Variants in ELMO1 observed in about 807,000 individuals in gnomAD.
The protein encoded by ELMO1 is engulfment and cell motility protein 1.
Under a neutral mutation model 98.9 loss-of-function variants are expected in ELMO1, and 26 were observed. The observed-to-expected ratio is 0.26, with a 90% CI of 0.19 to 0.36. The LOEUF is 0.36. ELMO1 is among the 10% of genes least tolerant of loss of function. ELMO1 has a pLI of 1.00. For missense variants in ELMO1, 627 were observed against 935.2 expected (o/e 0.67, Z 4.30); for synonymous variants, 346 against 346.0 (o/e 1.00, Z 0.00).
Position 37,012,831 on chromosome 7 carries a change from C to T in ELMO1, c.1437+468G>A, listed in dbSNP as rs561662429. Among the ~76,000 whole-genome samples the T allele has an allele frequency of 6.2e-4, 94 of 152,250 alleles. No homozygotes were observed. In the South Asian group the frequency reaches 0.019, roughly 31 times the overall value. The stretch of plus-strand genomic sequence containing the variant: ...AATAAAAATTCTTCTTGACGTAGCT[C>T]GGGGCAGATGATCACAACACATCCA... On this transcript the variant is annotated intron_variant, in intron 16 of 21. Transcript: ENST00000310758.
At chr7:37,213,209 AGAT>A in intron 12 of ELMO1, 123 bp downstream of exon 12, 1 of 1,277,392 alleles carries the variant, frequency 7.8e-7, no homozygotes, top group Non-Finnish European at 1.1e-6. Context: ...CTAAGTTCTG[AGAT>A]GATAATAAAA....
rs540999705 is a variant in ELMO1, at chr7:36,915,532, T to C, written c.1438-20515A>G. Among the ~76,000 whole-genome samples, 6 of 152,340 alleles carry C rather than the reference T, an allele frequency of 3.9e-5. No homozygotes were observed. The East Asian group carries it at 1.2e-3, about 29-fold the overall frequency. ...GAGATGGATCCACCACAAAGGGCTT[T>C]CCAGCCACACACATCTTTTCGGCTT... is the stretch of plus-strand genomic sequence containing the variant. On this transcript the variant is annotated intron_variant, in intron 16 of 21. Coordinates refer to ENST00000310758, the MANE Select transcript of ELMO1 (RefSeq NM_014800.11).
chr7:37,209,491 C>T (rs1250779829), intron 13 of ELMO1, among the ~76,000 whole-genome samples: 2 of 152,198 alleles, frequency 1.3e-5, no homozygotes, highest in Non-Finnish European at 2.9e-5. Flanking sequence ...GATAAAATTG[C>T]AGTCACAGGA....
intron 15 of ELMO1, among the ~76,000 whole-genome samples, chr7:37,025,393 C>G (rs1260814976): frequency 6.6e-6 from 1 of 152,120 alleles, no homozygotes; most frequent in African/African-American, 2.4e-5. Flanking sequence ...TATGCATCAA[C>G]CTGACTGGGC....
chr7:36,933,912 C>T (rs1378147781), intron 16 of ELMO1, among the ~76,000 whole-genome samples: 1 of 152,226 alleles, frequency 6.6e-6, no homozygotes, highest in Non-Finnish European at 1.5e-5. Context: ...GACAACAGCT[C>T]TGCTGTACAG....
At chr7:37,172,737 A>G (rs1380855762) in intron 13 of ELMO1, among the ~76,000 whole-genome samples, 2 of 152,208 alleles carry the variant, frequency 1.3e-5, no homozygotes, top group Non-Finnish European at 2.9e-5. Flanking sequence ...CAAGTAGTAC[A>G]TTTATATGTT....
At chr7:36,949,476 C>T (rs1562848732) in intron 16 of ELMO1, among the ~76,000 whole-genome samples, 1 of 152,116 alleles carries the variant, frequency 6.6e-6, no homozygotes, top group East Asian at 1.9e-4. Context: ...CACCCTCTCT[C>T]GGTGGCAGAC....
intron 1 of ELMO1, among the ~76,000 whole-genome samples, chr7:37,415,927 C>T (rs984903945): frequency 1.3e-5 from 2 of 152,116 alleles, no homozygotes; most frequent in Non-Finnish European, 2.9e-5. Flanking sequence ...TGTCTTAGAA[C>T]AAAATTCCCA....
chr7:37,074,183 AT>A (rs1317588278), intron 15 of ELMO1, among the ~76,000 whole-genome samples: 1 of 148,242 alleles, frequency 6.7e-6, no homozygotes, highest in Non-Finnish European at 1.5e-5. Context: ...ACATTTATAT[AT>A]TTTATATATG....
chr7:37,334,223 C>T (rs1583572108), intron 2 of ELMO1, among the ~76,000 whole-genome samples: 1 of 152,118 alleles, frequency 6.6e-6, no homozygotes, highest in African/African-American at 2.4e-5. Context: ...CTCTGTCCAC[C>T]GCCCAAGAGA....
At chr7:37,341,765 C>T (rs1010325347) in intron 2 of ELMO1, among the ~76,000 whole-genome samples, 2 of 152,162 alleles carry the variant, frequency 1.3e-5, no homozygotes, top group Non-Finnish European at 2.9e-5. Context: ...ATTGGAGTTG[C>T]CATGGTTATT....
chr7:37,061,569 G>A (rs1250618364), intron 15 of ELMO1, among the ~76,000 whole-genome samples: 4 of 152,114 alleles, frequency 2.6e-5, no homozygotes, highest in Non-Finnish European at 5.9e-5. Context: ...AGACATTGAG[G>A]TGGACTAGTG....
chr7:37,116,015 C>T (rs1186093285), intron 14 of ELMO1, among the ~76,000 whole-genome samples: 1 of 152,154 alleles, frequency 6.6e-6, no homozygotes, highest in Middle Eastern at 3.2e-3. Context: ...TGTACTTTTG[C>T]TCAACTTTTC....
At chr7:37,304,681 G>A (rs2723997) in intron 4 of ELMO1, among the ~76,000 whole-genome samples, 142,082 of 152,230 alleles carry the variant, frequency 0.93, 66,366 homozygotes, top group Admixed American at 0.95. Flanking sequence ...GCGCCACTGC[G>A]CTTCAGCCTG....
intron 14 of ELMO1, among the ~76,000 whole-genome samples, chr7:37,098,168 C>T (rs770262003): frequency 1.3e-5 from 2 of 152,178 alleles, no homozygotes; most frequent in African/African-American, 4.8e-5. Flanking sequence ...TGTGCAGTGA[C>T]TCACTGTTTT....
Position 36,854,157 on chromosome 7 carries a change from C to T in ELMO1, c.*1394G>A, listed in dbSNP as rs1237912480. Among the ~76,000 whole-genome samples the T allele has an allele frequency of 6.6e-6, 1 of 152,190 alleles. No homozygotes were observed. Among genetic ancestry groups the T allele is most frequent in the Non-Finnish European group, 1.5e-5 (1 of 68,034 alleles). ...GTCTTCTTAGAAGTAACATTCTCCACTGATGCTCAGAGCCTATGGTGACCT... is the reference window on the plus strand; with the variant it reads ...GTCTTCTTAGAAGTAACATTCTCCATTGATGCTCAGAGCCTATGGTGACCT... On this transcript the variant is annotated 3_prime_UTR_variant, in exon 22 of 22. Coordinates refer to ENST00000310758, the MANE Select transcript of ELMO1 (RefSeq NM_014800.11).
chr7:36,961,479 CAG>C (rs1254481100), intron 16 of ELMO1, among the ~76,000 whole-genome samples: 1 of 152,136 alleles, frequency 6.6e-6, no homozygotes, highest in Non-Finnish European at 1.5e-5. Context: ...ATGAAAATTA[CAG>C]AGTTTTAATC....
At chr7:37,404,935 T>G (rs1159664274) in intron 1 of ELMO1, among the ~76,000 whole-genome samples, 1 of 152,220 alleles carries the variant, frequency 6.6e-6, no homozygotes, top group African/African-American at 2.4e-5. Context: ...AATTTTTTTC[T>G]GAATAAAATG....
intron 2 of ELMO1, among the ~76,000 whole-genome samples, chr7:37,334,230 G>C (rs563690539): frequency 6.6e-6 from 1 of 152,248 alleles, no homozygotes; most frequent in South Asian, 2.1e-4. Context: ...CACCGCCCAA[G>C]AGACATTTGG....
Sources: allele counts gnomAD v4.1 joint callset (sites outside exome capture counted in the v4.1 genomes callset), GRCh38; gene constraint gnomAD v4.1.1; transcripts MANE v1.5; gene names NCBI Gene and HGNC (gene_info 2026-07-23, HGNC 2026-07-21).